ZSWIM8: variants seen among roughly 807,000 people sequenced by gnomAD.
ZSWIM8 encodes zinc finger SWIM-type containing 8.
In ZSWIM8, 27 loss-of-function variants were observed where a neutral mutation model predicts 173.7. The observed-to-expected ratio is 0.16, with a 90% confidence interval of 0.11 to 0.21. The LOEUF (loss-of-function observed/expected upper bound fraction) is 0.21. Among genes scored for constraint, ZSWIM8 ranks in the 10% least tolerant of loss-of-function variants. ZSWIM8 has a pLI of 1.00. For synonymous variants in ZSWIM8, 958 were observed against 962.0 expected (o/e 1.00, Z 0.08); for missense variants, 1,627 against 2,428.8 (o/e 0.67, Z 6.94).
rs1275457928 is a variant in ZSWIM8 at position 73,799,076 on chromosome 10, G to A, written c.4251G>A (p.Val1417=). The change falls in exon 21 of 26, where the codon GTG becomes GTA. Residue 1417 remains valine (V), a synonymous_variant. Coordinates refer to ENST00000604729, the MANE Select transcript of ZSWIM8 (RefSeq NM_001367799.1). ...AGGGTGGGGGCGTGTACCCTGAAGT[G>A]TTGTTTGAGGTTGCTCACCAGTGGT... The part of the protein sequence containing the change: ...AAKGGGVYPE[V]LFEVAHQWFW... 1 of 1,613,942 alleles carries A rather than the reference G, an allele frequency of 6.2e-7. No homozygotes were observed.
intron 14 of ZSWIM8, among the ~76,000 whole-genome samples, chr10:73,795,239 C>T (rs756468061): frequency 3.3e-5 from 5 of 152,132 alleles, no homozygotes; most frequent in Non-Finnish European, 4.4e-5. Flanking sequence ...CCTAAACCAG[C>T]GAACACCATG....
At position 73,799,599 on chromosome 10, in the gene ZSWIM8, T is replaced by TGAGGTG. The variant is rs1452505327; in HGVS notation, c.4665+111_4665+116dup. On this transcript the variant is annotated intron_variant, in intron 21 of 25. Transcript: ENST00000604729. ...TAATTGGTCAGTCGGAGAGTCCTGGTGAGGTGGTGGGAGTCTGGGGGACCC... is the reference window on the plus strand; with the variant it reads ...TAATTGGTCAGTCGGAGAGTCCTGGTGAGGTGGAGGTGGTGGGAGTCTGGGGGACCC... 9 of 1,466,978 alleles carry TGAGGTG rather than the reference T, an allele frequency of 6.1e-6. No homozygotes were observed. The South Asian group carries it at 9.8e-5, about 16-fold the overall frequency. 90.9% of individuals were successfully genotyped at this position (1,466,978 alleles called of 1,614,324 possible).
Position 73,792,479 on chromosome 10 carries a change from G to C in ZSWIM8, c.1940G>C (p.Cys647Ser). Residue 647 changes from cysteine to serine, a missense_variant, in exon 10 of 26, where the codon TGT becomes TCT. This residue lies in a region of ZSWIM8 where 383 missense variants were observed against 394.8 expected (regional missense o/e 0.97). Coordinates refer to ENST00000604729, the MANE Select transcript of ZSWIM8 (RefSeq NM_001367799.1). This position sits in a 1 kb window ranked among gnomAD's most constrained non-coding sequence, Gnocchi z 4.3. Reference sequence around the variant, plus strand: ...GGATTCCCTGAGAGCCCTCCACCCTGTCCTCTCCACGGTGGCTCCCGAGGC... The same window carrying C: ...GGATTCCCTGAGAGCCCTCCACCCTCTCCTCTCCACGGTGGCTCCCGAGGC... ...FGGFPESPPP[C>S]PLHGGSRGPS... The C allele has an allele frequency of 1.2e-6, 2 of 1,611,972 alleles. No homozygotes were observed. The highest frequency in any genetic ancestry group is 1.7e-6 in the Non-Finnish European group (2 of 1,178,942).
In ZSWIM8 at chr10:73,792,626, T is replaced by A. The variant is rs2083459267; in HGVS notation, c.2087T>A (p.Val696Asp). Residue 696 changes from valine (V) to aspartate (D), a missense_variant, in exon 10 of 26, where the codon GTC becomes GAC. Val to Asp is a radical substitution (Grantham distance 152, BLOSUM62 -3). Around this residue, in one of 18 missense-constraint regions of ZSWIM8, gnomAD observed 383 missense variants for 394.8 expected, o/e 0.97. Transcript: ENST00000604729. The surrounding 1 kb of genome is among the most constrained non-coding windows in gnomAD (Gnocchi z 4.3). ...VGPPGLLPGD[V>D]CTQDDLPSTD... ...CCCCCTGGCCTACTGCCTGGGGATG[T>A]CTGTACCCAGGACGACCTCCCTTCT... 1.2e-6 allele frequency: 2 copies of A among 1,613,876 alleles called. No individual in the cohort carries two copies. Among genetic ancestry groups the A allele is most frequent in the Non-Finnish European group, 1.7e-6 (2 of 1,179,864 alleles).
At position 73,792,685 on chromosome 10, in the gene ZSWIM8, A is replaced by C; in HGVS notation, c.2146A>C (p.Lys716Gln). The change falls in exon 10 of 26, where the codon AAA becomes CAA. Residue 716 changes from lysine (K) to glutamine (Q), a missense_variant. Transcript: ENST00000604729. This position sits in a 1 kb window ranked among gnomAD's most constrained non-coding sequence, Gnocchi z 4.3. ...GAGTGGCAATGGGCTTCCCAAAACC[A>C]AAGAGGCAGCCCCTGCAGTTGGAGA... ...DESGNGLPKT[K>Q]EAAPAVGEED... The C allele has an allele frequency of 6.2e-7, 1 of 1,613,948 alleles. No homozygotes were observed. The highest frequency in any genetic ancestry group is 8.5e-7 in the Non-Finnish European group (1 of 1,179,874).
Position 73,791,588 on chromosome 10 carries a change from C to G in ZSWIM8, c.1319+89C>G. ...TCATCTCCTTGTTTGCAGAGACATA[C>G]CATGATTTTAGTCCTCGGGAAACGG... is the stretch of plus-strand genomic sequence containing the variant. On this transcript the variant is annotated intron_variant, in intron 9 of 25. Transcript: ENST00000604729. The surrounding 1 kb of genome is among the most constrained non-coding windows in gnomAD (Gnocchi z 6.0). 7.2e-7 allele frequency: 1 copy of G among 1,393,070 alleles called. No individual in the cohort carries two copies. Among genetic ancestry groups the G allele is most frequent in the Non-Finnish European group, 9.5e-7 (1 of 1,050,174 alleles). 86.3% of individuals were successfully genotyped at this position (1,393,070 alleles called of 1,614,324 possible).
Position 73,791,381 on chromosome 10 carries a change from C to T in ZSWIM8, c.1201C>T (p.His401Tyr). 1.1e-5 allele frequency: 18 copies of T among 1,613,918 alleles called. No individual in the cohort carries two copies. The highest frequency in any genetic ancestry group is 1.5e-5 in the Non-Finnish European group (18 of 1,179,802). Residue 401 changes from histidine to tyrosine, a missense_variant, in exon 9 of 26, where the codon CAC (histidine) becomes TAC (tyrosine). His to Tyr is a moderately conservative substitution (Grantham distance 83, BLOSUM62 2). Coordinates refer to ENST00000604729, the MANE Select transcript of ZSWIM8 (RefSeq NM_001367799.1). This position sits in a 1 kb window ranked among gnomAD's most constrained non-coding sequence, Gnocchi z 6.0. ...TSASHSSASGHTGRSNGQSEV... is the reference protein window; with the variant it reads ...TSASHSSASGYTGRSNGQSEV... ...AGCCTCACACAGCAGTGCCAGTGGG[C>T]ACACGGGCCGTAGCAACGGGCAGTC...
chr10:73,799,005 A>T lies in ZSWIM8; in HGVS notation c.4180A>T (p.Asn1394Tyr), dbSNP rs553935585. 5 of 1,606,866 alleles carry T rather than the reference A, an allele frequency of 3.1e-6. No homozygotes were observed. The African/African-American group carries it at 6.7e-5, about 21-fold the overall frequency. The change falls in exon 21 of 26, where the codon AAC (asparagine) becomes TAC (tyrosine). Residue 1394 changes from asparagine (N) to tyrosine (Y), a missense_variant. Physicochemically the swap from Asn to Tyr is moderately radical, Grantham distance 143. Around this residue, in one of 18 missense-constraint regions of ZSWIM8, gnomAD observed 95 missense variants for 271.3 expected, o/e 0.35. Coordinates refer to ENST00000604729, the MANE Select transcript of ZSWIM8 (RefSeq NM_001367799.1). ...ACTCTGTGCCCCTCTCTTCCAGGAC[A>T]ACCTGATGTTGGAGAAGGCCTGCAT... ...RALVQCKEQDNLMLEKACMAV... is the reference protein window; with the variant it reads ...RALVQCKEQDYLMLEKACMAV...
rs774227390 is a variant in ZSWIM8 at position 73,789,584 on chromosome 10, C to T, written c.630+45C>T. The stretch of plus-strand genomic sequence containing the variant: ...TCCCGGCCCTATCCTACACTCCATC[C>T]CCCCCTTCTCTGCTGCATGCCTGGC... On this transcript the variant is annotated intron_variant, in intron 4 of 25. Coordinates refer to ENST00000604729, the MANE Select transcript of ZSWIM8 (RefSeq NM_001367799.1). The surrounding 1 kb of genome is among the most constrained non-coding windows in gnomAD (Gnocchi z 6.8). 1.0e-5 allele frequency: 16 copies of T among 1,592,476 alleles called. No homozygotes were observed. The highest frequency in any genetic ancestry group is 1.1e-5 in the South Asian group (1 of 87,886).
rs1565070601 is a variant in ZSWIM8 at position 73,789,735 on chromosome 10, C to A, written c.649C>A (p.Arg217=). 1 of 1,605,648 alleles carries A rather than the reference C, an allele frequency of 6.2e-7. No individual in the cohort carries two copies. ...RIHNASAVCL[R]APVSESLSRL... The stretch of plus-strand genomic sequence containing the variant: ...CCTTCAGGCTTCTGCAGTCTGCCTG[C>A]GAGCCCCAGTCTCAGAGTCCCTGTC... Residue 217 remains arginine, a synonymous_variant, in exon 5 of 26, where the codon CGA becomes AGA. Transcript: ENST00000604729. This position sits in a 1 kb window ranked among gnomAD's most constrained non-coding sequence, Gnocchi z 6.8.
At position 73,800,403 on chromosome 10, in the gene ZSWIM8, G is replaced by A; in HGVS notation, c.4933G>A (p.Glu1645Lys). 1 of 1,613,648 alleles carries A rather than the reference G, an allele frequency of 6.2e-7. No individual in the cohort carries two copies. Among genetic ancestry groups the A allele is most frequent in the Non-Finnish European group, 8.5e-7 (1 of 1,179,760 alleles). The change falls in exon 23 of 26, where the codon GAG (glutamate) becomes AAG (lysine). Residue 1645 changes from glutamate to lysine, a missense_variant. Transcript: ENST00000604729. The surrounding 1 kb of genome is among the most constrained non-coding windows in gnomAD (Gnocchi z 4.1). ...PLVSGGFPPP[E>K]EETHSQPVNP... ...GGTGAGCGGAGGTTTTCCACCGCCC[G>A]AGGAGGAGACACACAGTCAGCCAGT...
In ZSWIM8 at chr10:73,796,782, C is replaced by A. The variant is rs1485530086; in HGVS notation, c.3042C>A (p.Asp1014Glu). ...DDQAKLKKILDKLLDRESQTH... is the reference protein window; with the variant it reads ...DDQAKLKKILEKLLDRESQTH... ...CTGCTTCTGTCTTCCAGATCTTAGA[C>A]AAACTCTTGGACCGAGAGAGCCAGA... Residue 1014 changes from aspartate to glutamate, a missense_variant, in exon 16 of 26, where the codon GAC becomes GAA. Asp to Glu is a conservative substitution (Grantham distance 45, BLOSUM62 2). Coordinates refer to ENST00000604729, the MANE Select transcript of ZSWIM8 (RefSeq NM_001367799.1). 6.2e-7 allele frequency: 1 copy of A among 1,613,292 alleles called. No homozygotes were observed. The highest frequency in any genetic ancestry group is 8.5e-7 in the Non-Finnish European group (1 of 1,179,878).
chr10:73,791,224 C>T lies in ZSWIM8; in HGVS notation c.1143+48C>T. On this transcript the variant is annotated intron_variant, in intron 8 of 25. Coordinates refer to ENST00000604729, the MANE Select transcript of ZSWIM8 (RefSeq NM_001367799.1). This position sits in a 1 kb window ranked among gnomAD's most constrained non-coding sequence, Gnocchi z 6.0. ...CCCCGTGGTAGCTCATTCTTTCCCT[C>T]CCCCTGCCTCATCCTCCTCTTGCTG... The T allele has an allele frequency of 1.9e-6, 3 of 1,568,002 alleles. No individual in the cohort carries two copies. Among genetic ancestry groups the T allele is most frequent in the East Asian group, 2.3e-5 (1 of 44,204 alleles).
intron 19 of ZSWIM8, 38 bp from the exon 20 acceptor site, chr10:73,798,192 C>A: frequency 6.2e-7 from 1 of 1,609,470 alleles, no homozygotes. Context: ...GTGGTGCCCA[C>A]ACTAACCCAA....
In ZSWIM8 at chr10:73,800,624, C is replaced by T; in HGVS notation, c.5003-16C>T. 1 of 1,549,044 alleles carries T rather than the reference C, an allele frequency of 6.5e-7. No homozygotes were observed. The highest frequency in any genetic ancestry group is 1.7e-4 in the Middle Eastern group (1 of 5,730). ...GGATACACCGTACCATGTGCCCACCCTTATCTATCTCCCAGGAATGCTGGC... is the reference window on the plus strand; with the variant it reads ...GGATACACCGTACCATGTGCCCACCTTTATCTATCTCCCAGGAATGCTGGC... On this transcript the variant is annotated splice_polypyrimidine_tract_variant and intron_variant, in intron 23 of 25. Coordinates refer to ENST00000604729, the MANE Select transcript of ZSWIM8 (RefSeq NM_001367799.1). The surrounding 1 kb of genome is among the most constrained non-coding windows in gnomAD (Gnocchi z 4.1).
chr10:73,801,511 T>C lies in ZSWIM8; in HGVS notation c.5497T>C (p.Ser1833Pro), dbSNP rs1353625375. The C allele has an allele frequency of 2.5e-6, 4 of 1,613,710 alleles. No individual in the cohort carries two copies. Among genetic ancestry groups the C allele is most frequent in the Non-Finnish European group, 3.4e-6 (4 of 1,179,828 alleles). ...GGTCTCACTCGAGATGGCCACCTTC[T>C]CCCCCTGAGTCTTTCACCCTTAGGG... ...QRVSLEMATF[S>P]P Residue 1833 changes from serine to proline, a missense_variant, in exon 26 of 26, where the codon TCC becomes CCC. Coordinates refer to ENST00000604729, the MANE Select transcript of ZSWIM8 (RefSeq NM_001367799.1). This position sits in a 1 kb window ranked among gnomAD's most constrained non-coding sequence, Gnocchi z 4.9.
At chr10:73,796,289 C>G in intron 15 of ZSWIM8, 1 of 294,436 alleles carries the variant, frequency 3.4e-6, no homozygotes, top group Non-Finnish European at 6.8e-6. Flanking sequence ...TTTGAGGCTA[C>G]AGTGAGCTAT....
chr10:73,797,255 T>G lies in ZSWIM8; in HGVS notation c.3417T>G (p.Pro1139=), dbSNP rs375324786. ...GGGGATGGGGGTCCCCAGGACGGCC[T>G]AAGAAGAAGCACACAGGTAGGATAG... ...NGRGWGSPGR[P]KKKHTGMASI... Residue 1139 remains proline (P), a synonymous_variant, in exon 17 of 26, where the codon CCT becomes CCG. Transcript: ENST00000604729. The surrounding 1 kb of genome is among the most constrained non-coding windows in gnomAD (Gnocchi z 5.6). The G allele has an allele frequency of 2.2e-5, 36 of 1,613,906 alleles. No homozygotes were observed. In the African/African-American group the frequency reaches 4.3e-4, roughly 19 times the overall value.
chr10:73,797,210 T>G lies in ZSWIM8; in HGVS notation c.3372T>G (p.Ser1124Arg). The change falls in exon 17 of 26, where the codon AGT becomes AGG. Residue 1124 changes from serine (S) to arginine (R), a missense_variant. Transcript: ENST00000604729. This position sits in a 1 kb window ranked among gnomAD's most constrained non-coding sequence, Gnocchi z 5.6. ...TTCCTAGCCGCTTGGCACTTGGCAG[T>G]CGTGGAGGCTATAATGGACGGGGAT... ...GKVPSRLALG[S>R]RGGYNGRGWG... 1 of 1,613,996 alleles carries G rather than the reference T, an allele frequency of 6.2e-7. No homozygotes were observed. Among genetic ancestry groups the G allele is most frequent in the Non-Finnish European group, 8.5e-7 (1 of 1,179,874 alleles).
Sources: gnomAD v4.1 joint callset for allele counts (sites outside exome capture counted in the v4.1 genomes callset) on GRCh38, gnomAD v4.1.1 for gene constraint, gnomAD v4.1.1 regional missense constraint, Gnocchi (gnomAD v3.1) non-coding constraint, MANE v1.5 for transcripts, NCBI Gene and HGNC (gene_info 2026-07-23, HGNC 2026-07-21) for gene names.